The following KCNIP4 variants were observed in gnomAD, a reference collection of about 807,000 sequenced individuals.
The protein encoded by KCNIP4 is Kv channel-interacting protein 4.
In KCNIP4, 12 loss-of-function variants were observed where a neutral mutation model predicts 34.0. The ratio of observed to expected loss-of-function variants is 0.35; its 90% CI spans 0.23 to 0.57. The LOEUF is 0.57. Ranked by LOEUF, KCNIP4 falls within the 20% of genes least tolerant of loss-of-function variation. The pLI, the probability that KCNIP4 is intolerant of heterozygous loss-of-function variation, is 0.83. For synonymous variants in KCNIP4, 124 were observed against 102.2 expected (o/e 1.21, Z -1.29); for missense variants, 238 against 311.7 (o/e 0.76, Z 1.78).
In KCNIP4 at chr4:21,482,512, G is replaced by A. The variant is rs926762792; in HGVS notation, c.61+466059C>T. Among the ~76,000 whole-genome samples, 14 of 152,248 alleles carry A rather than the reference G, an allele frequency of 9.2e-5. 1 individual carries two copies. The highest frequency in any genetic ancestry group is 3.3e-4 in the Admixed American group (5 of 15,286). On this transcript the variant is annotated intron_variant, in intron 1 of 8. Coordinates refer to ENST00000382152, the MANE Select transcript of KCNIP4 (RefSeq NM_025221.6). Reference sequence around the variant, plus strand: ...GCTCTTGTAGGGCAGGCCTGGTGGTGACAAACTCTCTCAGCATTTGCTTGT... The same window carrying A: ...GCTCTTGTAGGGCAGGCCTGGTGGTAACAAACTCTCTCAGCATTTGCTTGT...
intron 1 of KCNIP4, among the ~76,000 whole-genome samples, chr4:21,059,263 G>A (rs1743698833): frequency 2.0e-5 from 3 of 152,112 alleles, no homozygotes; most frequent in African/African-American, 7.2e-5. Flanking sequence ...TTTTTCCTCT[G>A]AGCAATTGTA....
chr4:21,183,696 C>T (rs1199236659), intron 1 of KCNIP4, among the ~76,000 whole-genome samples: 1 of 151,706 alleles, frequency 6.6e-6, no homozygotes, highest in Admixed American at 6.6e-5. Context: ...TCTCATTGTT[C>T]CCCCCCATTC....
chr4:20,816,424 T>C (rs1716396931), intron 3 of KCNIP4, among the ~76,000 whole-genome samples: 1 of 151,998 alleles, frequency 6.6e-6, no homozygotes. Flanking sequence ...CGGGACACTT[T>C]CCAAAAAAGC....
At chr4:20,957,571 A>C (rs1337374079) in intron 1 of KCNIP4, among the ~76,000 whole-genome samples, 2 of 120,638 alleles carry the variant, frequency 1.7e-5, no homozygotes, top group Non-Finnish European at 3.4e-5. Flanking sequence ...TCCTGCTGCT[A>C]ATCTGTAGCC....
At chr4:21,900,139 T>C (rs1727625638) in intron 1 of KCNIP4, among the ~76,000 whole-genome samples, 1 of 152,136 alleles carries the variant, frequency 6.6e-6, no homozygotes, top group Non-Finnish European at 1.5e-5. Context: ...TATAGAAAAA[T>C]CTCAACATAT....
rs528410606 is a variant in KCNIP4, at chr4:20,826,490, TG to T, written c.288+24052del. On this transcript the variant is annotated intron_variant, in intron 3 of 8. Coordinates refer to ENST00000382152, the MANE Select transcript of KCNIP4 (RefSeq NM_025221.6). ...GTCCTAGCTACTCGGGAGGTTGAGGTGGGAGGATGCTTGTGTCCAGGAGGTC... is the reference window on the plus strand; with the variant it reads ...GTCCTAGCTACTCGGGAGGTTGAGGTGGAGGATGCTTGTGTCCAGGAGGTC... 1.5e-3 allele frequency among the ~76,000 whole-genome samples: 224 copies of T among 149,336 alleles called. 3 individuals are homozygous for T. The highest frequency in any genetic ancestry group is 5.3e-3 in the African/African-American group (214 of 40,408).
intron 1 of KCNIP4, among the ~76,000 whole-genome samples, chr4:21,794,787 G>A (rs1161166037): frequency 6.6e-6 from 1 of 152,142 alleles, no homozygotes; most frequent in African/African-American, 2.4e-5. Context: ...GCTGAAGCAG[G>A]GGAATTTATT....
chr4:21,416,941 T>G (rs901753558), intron 1 of KCNIP4, among the ~76,000 whole-genome samples: 1 of 152,208 alleles, frequency 6.6e-6, no homozygotes, highest in Admixed American at 6.5e-5. Flanking sequence ...GTCATGCTGA[T>G]GAGAGAAAAA....
chr4:21,544,773 T>C (rs984154038), intron 1 of KCNIP4: 1 of 152,160 alleles, frequency 6.6e-6, no homozygotes, highest in African/African-American at 2.4e-5. Flanking sequence ...TCAAGAATCA[T>C]AAAAATGGGC....
chr4:21,824,156 C>T (rs1722537750), intron 1 of KCNIP4, among the ~76,000 whole-genome samples: 1 of 152,138 alleles, frequency 6.6e-6, no homozygotes, highest in African/African-American at 2.4e-5. Flanking sequence ...TGCTTCTAAC[C>T]TCCAAGCTGC....
At chr4:21,926,465 C>T (rs13132720) in intron 1 of KCNIP4, among the ~76,000 whole-genome samples, 36,208 of 152,118 alleles carry the variant, frequency 0.24, 5,295 homozygotes, top group South Asian at 0.36. Flanking sequence ...CTATTTGAAT[C>T]ATTGAGAAGA....
intron 1 of KCNIP4, among the ~76,000 whole-genome samples, chr4:21,108,919 C>T (rs963447398): frequency 2.6e-5 from 4 of 152,166 alleles, no homozygotes; most frequent in Admixed American, 1.3e-4. Flanking sequence ...AGCGGATTTT[C>T]GTGAACCACG....
chr4:21,918,545 A>G (rs1453052001), intron 1 of KCNIP4, among the ~76,000 whole-genome samples: 1 of 152,022 alleles, frequency 6.6e-6, no homozygotes, highest in Non-Finnish European at 1.5e-5. Flanking sequence ...TGACAGTAAC[A>G]TGGTTGGTCA....
intron 5 of KCNIP4, among the ~76,000 whole-genome samples, chr4:20,745,663 A>G (rs1281709767): frequency 6.6e-6 from 1 of 152,172 alleles, no homozygotes; most frequent in Non-Finnish European, 1.5e-5. Context: ...CCATTCTCTT[A>G]TTATCAAGGC....
intron 5 of KCNIP4, among the ~76,000 whole-genome samples, chr4:20,736,587 C>T (rs1418088386): frequency 1.3e-5 from 2 of 151,730 alleles, no homozygotes; most frequent in East Asian, 3.9e-4. Flanking sequence ...TTACTTTTTT[C>T]TAATTATATG....
intron 1 of KCNIP4, among the ~76,000 whole-genome samples, chr4:20,962,924 A>C (rs762057716): frequency 6.6e-6 from 1 of 152,186 alleles, no homozygotes; most frequent in Non-Finnish European, 1.5e-5. Context: ...ATTTTGACAG[A>C]AGAATATTGG....
intron 1 of KCNIP4, among the ~76,000 whole-genome samples, chr4:21,389,746 G>T (rs1288025005): frequency 6.6e-6 from 1 of 151,978 alleles, no homozygotes; most frequent in Non-Finnish European, 1.5e-5. Context: ...ATTGCGAATA[G>T]TGCCACAATA....
chr4:20,762,039 G>C (rs1270144020), intron 3 of KCNIP4, among the ~76,000 whole-genome samples: 1 of 152,056 alleles, frequency 6.6e-6, no homozygotes, highest in Non-Finnish European at 1.5e-5. Context: ...CTTTGTTCAG[G>C]CTCCTTTAAC....
intron 3 of KCNIP4, among the ~76,000 whole-genome samples, chr4:20,787,878 A>G (rs1184659898): frequency 6.6e-6 from 1 of 152,020 alleles, no homozygotes. Flanking sequence ...TAACTGTCTG[A>G]GTGTCCAATT....
Sources: allele counts gnomAD v4.1 joint callset (sites outside exome capture counted in the v4.1 genomes callset), GRCh38; gene constraint gnomAD v4.1.1; transcripts MANE v1.5; gene names NCBI Gene and HGNC (gene_info 2026-07-23, HGNC 2026-07-21).